The following RBFOX1 variants were observed in gnomAD, a reference collection of about 807,000 sequenced individuals.
RBFOX1 encodes the protein RNA binding fox-1 homolog 1, also known as RNA binding protein fox-1 homolog 1.
RBFOX1 carries 8 observed loss-of-function variants against 57.7 expected under a neutral mutation model. The observed-to-expected ratio is 0.14, with a 90% CI of 0.08 to 0.25. The LOEUF (loss-of-function observed/expected upper bound fraction) is 0.25. Among genes scored for constraint, RBFOX1 ranks in the 10% least tolerant of loss-of-function variants. RBFOX1 has a pLI of 1.00. For synonymous variants in RBFOX1, 326 were observed against 222.4 expected, an observed-to-expected ratio of 1.47 and a Z score of -4.15; for missense variants, 611 against 548.5, an observed-to-expected ratio of 1.11 and a Z score of -1.14.
chr16:7,087,687 A>G (rs2060201440), intron 4 of RBFOX1, among the ~76,000 whole-genome samples: 1 of 152,106 alleles, frequency 6.6e-6, no homozygotes, highest in South Asian at 2.1e-4. Flanking sequence ...ATAAACAAGC[A>G]CACCAAATCT....
intron 3 of RBFOX1, among the ~76,000 whole-genome samples, chr16:6,669,413 T>G (rs550641473): frequency 6.6e-6 from 1 of 152,222 alleles, no homozygotes; most frequent in African/African-American, 2.4e-5. Context: ...CTTTTTACTG[T>G]GGCCATCTTA....
intron 3 of RBFOX1, among the ~76,000 whole-genome samples, chr16:5,797,550 C>G (rs1029028350): frequency 6.6e-6 from 1 of 152,160 alleles, no homozygotes; most frequent in Admixed American, 6.5e-5. Context: ...GAAGTTGACC[C>G]TTATTTTATT....
Position 7,094,628 on chromosome 16 carries a change from G to GT in RBFOX1, c.27+42548dup, listed in dbSNP as rs5815365. On this transcript the variant is annotated intron_variant, in intron 4 of 15. Transcript: ENST00000550418. ...TGGGGACTCCTGCATTTCTTTTGAA[G>GT]TTTTTTTTTTTTTTTTTTAAATCAT... Among the ~76,000 whole-genome samples, 632 of 141,032 alleles carry GT rather than the reference G, an allele frequency of 4.5e-3. 4 individuals are homozygous for GT. Among genetic ancestry groups the GT allele is most frequent in the African/African-American group, 0.015 (572 of 38,196 alleles). 92.5% of individuals were successfully genotyped at this position (141,032 alleles called of 152,430 possible).
At chr16:7,704,362 T>C (rs2081740389) in intron 14 of RBFOX1, among the ~76,000 whole-genome samples, 1 of 152,190 alleles carries the variant, frequency 6.6e-6, no homozygotes, top group African/African-American at 2.4e-5. Flanking sequence ...GGCCAGTGTT[T>C]TGCAAACTCA....
intron 3 of RBFOX1, among the ~76,000 whole-genome samples, chr16:6,894,231 A>G (rs1418544997): frequency 2.6e-5 from 4 of 152,120 alleles, no homozygotes; most frequent in Non-Finnish European, 5.9e-5. Flanking sequence ...ATTTTCTGTC[A>G]CAGATGGCAT....
intron 3 of RBFOX1, among the ~76,000 whole-genome samples, chr16:5,699,938 A>C (rs767192498): frequency 2.0e-4 from 30 of 152,132 alleles, no homozygotes; most frequent in Admixed American, 5.9e-4. Context: ...GGTTCACGCC[A>C]TTCTCCTGCT....
chr16:5,570,277 T>C (rs574535937), intron 2 of RBFOX1, among the ~76,000 whole-genome samples: 1 of 152,234 alleles, frequency 6.6e-6, no homozygotes, highest in South Asian at 2.1e-4. Flanking sequence ...TCAAATCCTG[T>C]TTTTGTCATT....
intron 2 of RBFOX1, among the ~76,000 whole-genome samples, chr16:6,570,920 T>C (rs118098725): frequency 8.0e-4 from 122 of 152,298 alleles, no homozygotes; most frequent in Middle Eastern, 3.4e-3. Context: ...GGGCCTTTGA[T>C]TGAATAACGG....
At chr16:6,853,474 G>A (rs144000143) in intron 3 of RBFOX1, among the ~76,000 whole-genome samples, 3 of 152,220 alleles carry the variant, frequency 2.0e-5, no homozygotes, top group Admixed American at 1.3e-4. Context: ...ATGGAGGATG[G>A]TGCCTACAGT....
At chr16:5,406,817 A>T (rs1214102552) in intron 1 of RBFOX1, among the ~76,000 whole-genome samples, 1 of 152,112 alleles carries the variant, frequency 6.6e-6, no homozygotes, top group African/African-American at 2.4e-5. Flanking sequence ...TAGAGGGGAG[A>T]CAGACGGCAG....
At chr16:5,766,903 A>C (rs1401456550) in intron 3 of RBFOX1, among the ~76,000 whole-genome samples, 1 of 152,214 alleles carries the variant, frequency 6.6e-6, no homozygotes, top group Non-Finnish European at 1.5e-5. Flanking sequence ...TCTCATTTTT[A>C]AACCTCTACT....
At chr16:7,609,293 A>T (rs558662375) in intron 10 of RBFOX1, among the ~76,000 whole-genome samples, 1 of 152,112 alleles carries the variant, frequency 6.6e-6, no homozygotes, top group East Asian at 1.9e-4. Context: ...GCATTTTTAC[A>T]TTTTTCTGGT....
intron 4 of RBFOX1, among the ~76,000 whole-genome samples, chr16:5,952,121 A>G (rs892027521): frequency 3.3e-5 from 5 of 150,602 alleles, no homozygotes; most frequent in African/African-American, 1.2e-4. Context: ...ATGTATACAC[A>G]CACACATATA....
intron 2 of RBFOX1, among the ~76,000 whole-genome samples, chr16:6,454,748 C>G (rs186929855): frequency 1.3e-5 from 2 of 151,896 alleles, no homozygotes; most frequent in African/African-American, 2.4e-5. Flanking sequence ...ATGAATTGGA[C>G]TTGAGTGAGA....
intron 3 of RBFOX1, among the ~76,000 whole-genome samples, chr16:6,861,839 T>TTG: frequency 6.7e-6 from 1 of 149,314 alleles, no homozygotes; most frequent in Non-Finnish European, 1.5e-5. Context: ...TTTTTTTTTT[T>TTG]TTTTTGGTTT....
chr16:7,120,528 A>G (rs961921753), intron 4 of RBFOX1, among the ~76,000 whole-genome samples: 2 of 151,922 alleles, frequency 1.3e-5, no homozygotes, highest in East Asian at 3.9e-4. Context: ...GTAGTCAACA[A>G]CTTACATGAA....
intron 2 of RBFOX1, among the ~76,000 whole-genome samples, chr16:6,598,860 C>G (rs925396044): frequency 6.6e-6 from 1 of 152,126 alleles, no homozygotes; most frequent in African/African-American, 2.4e-5. Flanking sequence ...GCAGGAGAAT[C>G]ACTTGAATCC....
At chr16:5,577,220 C>CT (rs2046487370) in intron 2 of RBFOX1, among the ~76,000 whole-genome samples, 1 of 152,176 alleles carries the variant, frequency 6.6e-6, no homozygotes, top group South Asian at 2.1e-4. Flanking sequence ...AGTGTAATTA[C>CT]TTTTGCAACG....
chr16:5,514,690 T>G (rs2043726672), intron 2 of RBFOX1, among the ~76,000 whole-genome samples: 1 of 151,238 alleles, frequency 6.6e-6, no homozygotes, highest in Non-Finnish European at 1.5e-5. Context: ...ATGACAATGA[T>G]GTCCACAGCA....
Sources: allele counts gnomAD v4.1 joint callset (sites outside exome capture counted in the v4.1 genomes callset), GRCh38; gene constraint gnomAD v4.1.1; transcripts MANE v1.5; gene names NCBI Gene and HGNC (gene_info 2026-07-23, HGNC 2026-07-21).